TRAPPC12: variants seen among roughly 807,000 people sequenced by gnomAD.
TRAPPC12 encodes the protein trafficking protein particle complex subunit 12.
TRAPPC12 carries 61 observed loss-of-function variants against 69.2 expected under a neutral mutation model. The observed-to-expected ratio is 0.88, with a 90% CI of 0.72 to 1.09. The LOEUF (loss-of-function observed/expected upper bound fraction) is 1.09, where lower values mean the gene tolerates loss of function less well. Ranked by LOEUF, TRAPPC12 falls within the 50% of genes least tolerant of loss-of-function variation. The pLI is 0.00. For synonymous variants in TRAPPC12, 469 were observed against 438.9 expected, an observed-to-expected ratio of 1.07 and a Z score of -0.86; for missense variants, 1,101 against 1,016.4, an observed-to-expected ratio of 1.08 and a Z score of -1.13.
At chr2:3,393,295 T>G (rs985661346) in intron 2 of TRAPPC12, among the ~76,000 whole-genome samples, 46 of 150,314 alleles carry the variant, frequency 3.1e-4, no homozygotes, top group African/African-American at 1.1e-3. Flanking sequence ...ACATGTGGAA[T>G]CTACAGAAGT....
At chr2:3,384,023 G>A (rs1246642562) in intron 1 of TRAPPC12, among the ~76,000 whole-genome samples, 1 of 151,010 alleles carries the variant, frequency 6.6e-6, no homozygotes, top group Non-Finnish European at 1.5e-5. Context: ...AGTATCCCAA[G>A]TAGCTGGGAT....
intron 9 of TRAPPC12, chr2:3,466,244 A>G (rs1351189067): frequency 4.2e-6 from 2 of 470,750 alleles, no homozygotes; most frequent in Non-Finnish European, 8.8e-6. Flanking sequence ...TGTCAATCCC[A>G]CCCTTGCAGG....
At chr2:3,387,511 G>A in intron 1 of TRAPPC12, 109 bp from the exon 2 acceptor site, 1 of 915,786 alleles carries the variant, frequency 1.1e-6, no homozygotes, top group Admixed American at 3.0e-5. Flanking sequence ...TGGATAAGAA[G>A]CTGGAGAAAT....
rs1294537587 is a variant in TRAPPC12 at position 3,418,447 on chromosome 2, C to A, written c.1165-3434C>A. Among the ~76,000 whole-genome samples the A allele has an allele frequency of 2.6e-5, 4 of 152,166 alleles. No individual in the cohort carries two copies. In the East Asian group the frequency reaches 5.8e-4, roughly 22 times the overall value. ...GTCAGCCCACAGTCCTCCTTGAAGT[C>A]AACAGAAATGAACTACTGAGCCACG... On this transcript the variant is annotated intron_variant, in intron 3 of 11. Transcript: ENST00000324266.
intron 6 of TRAPPC12, among the ~76,000 whole-genome samples, chr2:3,450,128 G>A (rs1664774361): frequency 1.3e-5 from 2 of 152,086 alleles, no homozygotes; most frequent in African/African-American, 4.8e-5. Context: ...ATGGACTTAG[G>A]AATGCCCAAC....
At chr2:3,411,550 C>T (rs558641792) in intron 3 of TRAPPC12, among the ~76,000 whole-genome samples, 2 of 152,314 alleles carry the variant, frequency 1.3e-5, no homozygotes, top group South Asian at 2.1e-4. Context: ...CTATACTATA[C>T]ATAGTGTGCA....
intron 4 of TRAPPC12, among the ~76,000 whole-genome samples, chr2:3,424,307 C>A (rs1310064944): frequency 6.6e-6 from 1 of 152,214 alleles, no homozygotes; most frequent in Non-Finnish European, 1.5e-5. Context: ...CCCACCTCAG[C>A]CTCCTGAGTA....
At chr2:3,455,843 CCTTT>C (rs1440384998) in intron 6 of TRAPPC12, 1 of 152,182 alleles carries the variant, frequency 6.6e-6, no homozygotes, top group Non-Finnish European at 1.5e-5. Context: ...AGACTGATTT[CCTTT>C]CTTTTCTTTG....
Position 3,414,454 on chromosome 2 carries a change from C to A in TRAPPC12, c.1165-7427C>A, listed in dbSNP as rs1259857019. Among the ~76,000 whole-genome samples, 1 of 152,072 alleles carries A rather than the reference C, an allele frequency of 6.6e-6. No homozygotes were observed. Among genetic ancestry groups the A allele is most frequent in the Non-Finnish European group, 1.5e-5 (1 of 68,012 alleles). On this transcript the variant is annotated intron_variant, in intron 3 of 11. Coordinates refer to ENST00000324266, the MANE Select transcript of TRAPPC12 (RefSeq NM_016030.6). This position sits in a 1 kb window ranked among gnomAD's most constrained non-coding sequence, Gnocchi z 4.9. Reference sequence around the variant, plus strand: ...AAAGCCCCCCGGGTTCTTGTCCTCCCCCCTGCCGCCACCCTGGGGTCTGCC... The same window carrying A: ...AAAGCCCCCCGGGTTCTTGTCCTCCACCCTGCCGCCACCCTGGGGTCTGCC...
intron 4 of TRAPPC12, among the ~76,000 whole-genome samples, chr2:3,422,226 T>C (rs1244535779): frequency 6.6e-6 from 1 of 152,184 alleles, no homozygotes; most frequent in Non-Finnish European, 1.5e-5. Context: ...CTCAGTCTCA[T>C]GGTGGAACCG....
Position 3,388,013 on chromosome 2 carries a change from C to T in TRAPPC12, c.390C>T (p.Ala130=). ...PEDAAPSSGG[A]PRQDAAREVP... ...ACGCGGCACCCAGTAGCGGAGGGGC[C>T]CCGAGGCAGGACGCGGCCCGCGAGG... Residue 130 remains alanine (A), a synonymous_variant, in exon 2 of 12, where the codon GCC becomes GCT. Coordinates refer to ENST00000324266, the MANE Select transcript of TRAPPC12 (RefSeq NM_016030.6). 6.8e-7 allele frequency: 1 copy of T among 1,470,510 alleles called. No individual in the cohort carries two copies. Among genetic ancestry groups the T allele is most frequent in the Non-Finnish European group, 8.9e-7 (1 of 1,117,786 alleles). The allele number at this position is 1,470,510 out of a possible 1,614,324, so 91.1% of individuals were successfully genotyped here.
intron 6 of TRAPPC12, chr2:3,454,668 C>CT (rs1390269914): frequency 2.6e-5 from 4 of 152,408 alleles, no homozygotes; most frequent in African/African-American, 4.8e-5. Context: ...GTGGGAAACT[C>CT]TGTTTCCTTT....
At chr2:3,402,476 A>C (rs1411778066) in intron 3 of TRAPPC12, among the ~76,000 whole-genome samples, 1 of 152,060 alleles carries the variant, frequency 6.6e-6, no homozygotes, top group African/African-American at 2.4e-5. Flanking sequence ...GTAATCCCAG[A>C]TACTCAGGAG....
intron 1 of TRAPPC12, among the ~76,000 whole-genome samples, chr2:3,381,782 C>T (rs35462534): frequency 0.081 from 12,360 of 152,256 alleles, 702 homozygotes; most frequent in African/African-American, 0.16. Context: ...CCTCCCCAGT[C>T]AAGCTCTCCT....
rs766403270 is a variant in TRAPPC12 at position 3,395,918 on chromosome 2, C to T, written c.1048-5859C>T. Among the ~76,000 whole-genome samples, 7 of 152,114 alleles carry T rather than the reference C, an allele frequency of 4.6e-5. No individual in the cohort carries two copies. In the East Asian group the frequency reaches 5.8e-4, roughly 13 times the overall value. The stretch of plus-strand genomic sequence containing the variant: ...CTAATTTTTGTAATTTTAGTAGACA[C>T]GTGGTTTTGCCATGTTGGTCAGGCT... On this transcript the variant is annotated intron_variant, in intron 2 of 11. Transcript: ENST00000324266.
intron 2 of TRAPPC12, among the ~76,000 whole-genome samples, chr2:3,394,661 G>A (rs1661020154): frequency 6.6e-6 from 1 of 152,000 alleles, no homozygotes; most frequent in South Asian, 2.1e-4. Flanking sequence ...GAGATTGGTG[G>A]ATGGCTGAGA....
chr2:3,463,049 C>A, intron 8 of TRAPPC12: 1 of 441,972 alleles, frequency 2.3e-6, no homozygotes, highest in South Asian at 1.6e-5. Flanking sequence ...GAAGATTGAG[C>A]TAAAATAGAC....
At chr2:3,470,218 C>A (rs1003856672) in intron 9 of TRAPPC12, among the ~76,000 whole-genome samples, 1 of 152,244 alleles carries the variant, frequency 6.6e-6, no homozygotes, top group African/African-American at 2.4e-5. Context: ...CCGGGTCAAC[C>A]CTAGCGAGGA....
intron 3 of TRAPPC12, among the ~76,000 whole-genome samples, chr2:3,406,104 G>A (rs1002022408): frequency 1.3e-5 from 2 of 152,106 alleles, no homozygotes; most frequent in Non-Finnish European, 2.9e-5. Context: ...ACTCAGAGAA[G>A]CCAAACCTTC....
Sources: allele counts gnomAD v4.1 joint callset (sites outside exome capture counted in the v4.1 genomes callset), GRCh38; gene constraint gnomAD v4.1.1; non-coding constraint Gnocchi (gnomAD v3.1); transcripts MANE v1.5; gene names NCBI Gene and HGNC (gene_info 2026-07-23, HGNC 2026-07-21).